The following LCA5 variants were observed in gnomAD, a reference collection of about 807,000 sequenced individuals.
The protein encoded by LCA5 is lebercilin LCA5.
Under a neutral mutation model 53.0 loss-of-function variants are expected in LCA5, and 37 were observed. The ratio of observed to expected loss-of-function variants is 0.70; its 90% CI spans 0.54 to 0.92. The LOEUF (loss-of-function observed/expected upper bound fraction) is 0.92, where lower values mean the gene tolerates loss of function less well. Among genes scored for constraint, LCA5 ranks in the 40% least tolerant of loss-of-function variants. The pLI is 0.00. For synonymous variants in LCA5, 303 were observed against 282.9 expected (o/e 1.07, Z -0.71); for missense variants, 806 against 790.5 (o/e 1.02, Z -0.23).
chr6:79,488,237 A>G (rs1293203660), intron 7 of LCA5: 1 of 179,334 alleles, frequency 5.6e-6, no homozygotes, highest in Non-Finnish European at 1.2e-5. Flanking sequence ...ATCCTGAGAT[A>G]GACTTATGTG....
chr6:79,491,754 A>G, intron 5 of LCA5, 24 bp from the exon 6 acceptor site: 1 of 1,603,142 alleles, frequency 6.2e-7, no homozygotes, highest in South Asian at 1.1e-5. Context: ...TATTTTTAAA[A>G]AATTATTACA....
At chr6:79,491,049 C>CAAA (rs35640934) in intron 6 of LCA5, among the ~76,000 whole-genome samples, 1 of 146,100 alleles carries the variant, frequency 6.8e-6, no homozygotes, top group African/African-American at 2.5e-5. Flanking sequence ...TATAGAGGAC[C>CAAA]AAAAAAAAAA....
At position 79,513,746 on chromosome 6, in the gene LCA5, A is replaced by T; in HGVS notation, c.191-5T>A. On this transcript the variant is annotated splice_polypyrimidine_tract_variant and splice_region_variant and intron_variant, in intron 2 of 7. Coordinates refer to ENST00000369846, the MANE Select transcript of LCA5 (RefSeq NM_001122769.3). The stretch of plus-strand genomic sequence containing the variant: ...TAGGGCTTGGTTTCCGAGGGGCTAA[A>T]AAAGAAACAGGAATAATGTAAAGTG... 1 of 1,613,190 alleles carries T rather than the reference A, an allele frequency of 6.2e-7. No individual in the cohort carries two copies. The highest frequency in any genetic ancestry group is 8.5e-7 in the Non-Finnish European group (1 of 1,179,438).
chr6:79,510,447 T>C (rs931315658), intron 3 of LCA5, among the ~76,000 whole-genome samples: 1 of 152,198 alleles, frequency 6.6e-6, no homozygotes, highest in Non-Finnish European at 1.5e-5. Context: ...TCAATTTTTA[T>C]TTGTCAATTA....
At chr6:79,512,435 C>T (rs1418251984) in intron 3 of LCA5, among the ~76,000 whole-genome samples, 1 of 152,074 alleles carries the variant, frequency 6.6e-6, no homozygotes, top group Non-Finnish European at 1.5e-5. Flanking sequence ...AGAGTAAGTA[C>T]CACAACATGC....
At chr6:79,503,105 C>A (rs1770186506) in intron 3 of LCA5, among the ~76,000 whole-genome samples, 1 of 152,144 alleles carries the variant, frequency 6.6e-6, no homozygotes, top group Non-Finnish European at 1.5e-5. Flanking sequence ...TGGTCTTGAA[C>A]TCCTGAGCTC....
chr6:79,522,098 T>A lies in LCA5; in HGVS notation c.-191-3013A>T, dbSNP rs1485604696. Among the ~76,000 whole-genome samples, 6 of 152,088 alleles carry A rather than the reference T, an allele frequency of 3.9e-5. No homozygotes were observed. The East Asian group carries it at 1.2e-3, about 29-fold the overall frequency. On this transcript the variant is annotated intron_variant, in intron 1 of 7. Transcript: ENST00000369846. ...AACCATCTCATTTAATTAAAAAATT[T>A]ATATATAAAAAAAATCACACATGCA...
intron 3 of LCA5, among the ~76,000 whole-genome samples, chr6:79,502,663 CA>C (rs1301806478): frequency 6.6e-6 from 1 of 151,632 alleles, no homozygotes; most frequent in African/African-American, 2.4e-5. Context: ...ATAAAATAAC[CA>C]AAATTATAAT....
chr6:79,511,881 C>G (rs1341780994), intron 3 of LCA5, among the ~76,000 whole-genome samples: 1 of 152,160 alleles, frequency 6.6e-6, no homozygotes, highest in African/African-American at 2.4e-5. Flanking sequence ...TCAGAATCCA[C>G]AGGCTTCGTC....
At chr6:79,525,841 C>T (rs537985906) in intron 1 of LCA5, among the ~76,000 whole-genome samples, 4 of 152,302 alleles carry the variant, frequency 2.6e-5, no homozygotes, top group Admixed American at 2.0e-4. Flanking sequence ...CAAGCCGGAG[C>T]AGACAGCCAA....
intron 1 of LCA5, among the ~76,000 whole-genome samples, chr6:79,530,456 T>C (rs1404967464): frequency 1.3e-5 from 2 of 152,090 alleles, no homozygotes; most frequent in Admixed American, 1.3e-4. Context: ...CAAACCCCCA[T>C]GAAACAAGAT....
chr6:79,533,070 C>T (rs1206808480), intron 1 of LCA5, among the ~76,000 whole-genome samples: 1 of 152,082 alleles, frequency 6.6e-6, no homozygotes, highest in East Asian at 1.9e-4. Context: ...GAGTCACTGC[C>T]ATTGCAAAGC....
At chr6:79,536,754 C>G (rs1767141632) in intron 1 of LCA5, among the ~76,000 whole-genome samples, 1 of 152,172 alleles carries the variant, frequency 6.6e-6, no homozygotes. Context: ...CCCTGCCCCT[C>G]CTCTCTAGTC....
intron 1 of LCA5, among the ~76,000 whole-genome samples, chr6:79,536,797 T>C (rs1226988742): frequency 6.6e-6 from 1 of 152,148 alleles, no homozygotes; most frequent in African/African-American, 2.4e-5. Context: ...GGTTTTTGTT[T>C]TGTTTGTTTT....
intron 3 of LCA5, among the ~76,000 whole-genome samples, chr6:79,512,621 C>T (rs976979690): frequency 1.1e-4 from 16 of 151,616 alleles, no homozygotes; most frequent in Non-Finnish European, 2.4e-4. Flanking sequence ...CTGTTTGATA[C>T]ATATATATAT....
intron 3 of LCA5, among the ~76,000 whole-genome samples, chr6:79,499,083 C>A (rs113891435): frequency 6.6e-6 from 1 of 152,006 alleles, no homozygotes; most frequent in African/African-American, 2.4e-5. Context: ...GTTTCACATT[C>A]AAAACAATCC....
chr6:79,538,446 A>G (rs1183831789), upstream of LCA5, among the ~76,000 whole-genome samples: 1 of 152,134 alleles, frequency 6.6e-6, no homozygotes, highest in African/African-American at 2.4e-5. Context: ...AACCCACCCA[A>G]ACAATATTGT....
intron 3 of LCA5, among the ~76,000 whole-genome samples, chr6:79,507,273 T>C (rs929758244): frequency 5.9e-5 from 9 of 152,254 alleles, no homozygotes; most frequent in South Asian, 2.1e-4. Context: ...TTGGGAAATA[T>C]AGATTTTTTG....
chr6:79,535,175 A>G (rs1287916768), intron 1 of LCA5, among the ~76,000 whole-genome samples: 1 of 152,194 alleles, frequency 6.6e-6, no homozygotes, highest in Non-Finnish European at 1.5e-5. Flanking sequence ...AAAGGATGGC[A>G]CTGGCTGGGG....
Sources: gnomAD v4.1 joint callset for allele counts (sites outside exome capture counted in the v4.1 genomes callset) on GRCh38, gnomAD v4.1.1 for gene constraint, MANE v1.5 for transcripts, NCBI Gene and HGNC (gene_info 2026-07-23, HGNC 2026-07-21) for gene names.